ABCA12: variants seen among roughly 807,000 people sequenced by gnomAD.
The protein encoded by ABCA12 is ATP binding cassette subfamily A member 12.
ABCA12 carries 156 observed loss-of-function variants against 293.5 expected under a neutral mutation model. The ratio of observed to expected loss-of-function variants is 0.53; its 90% confidence interval spans 0.47 to 0.61. The LOEUF (loss-of-function observed/expected upper bound fraction) is 0.61. ABCA12 is among the 20% of genes least tolerant of loss of function. The pLI, the probability that ABCA12 is intolerant of heterozygous loss-of-function variation, is 0.00. For synonymous variants in ABCA12, 1,063 were observed against 1,108.0 expected (o/e 0.96, Z 0.81); for missense variants, 2,797 against 3,090.2 (o/e 0.91, Z 2.25).
At chr2:215,001,102 C>G (rs1434742034) in intron 21 of ABCA12, 82 bp from the exon 22 acceptor site, 3 of 1,330,800 alleles carry the variant, frequency 2.3e-6, no homozygotes, top group East Asian at 4.8e-5. Context: ...ACAGAGGGGA[C>G]AGCCAAACAG....
intron 39 of ABCA12, chr2:214,962,530 G>C (rs905172877): frequency 3.9e-5 from 6 of 152,128 alleles, no homozygotes; most frequent in Non-Finnish European, 8.8e-5. Flanking sequence ...AATTAACAAA[G>C]ATATTCAGGA....
At chr2:215,016,613 A>AAAAAAAAAAAAAAAAAC (rs1700512044) in intron 14 of ABCA12, among the ~76,000 whole-genome samples, 1 of 140,438 alleles carries the variant, frequency 7.1e-6, no homozygotes. Flanking sequence ...AAAAAAAAAA[A>AAAAAAAAAAAAAAAAAC]AGACTTTGCT....
intron 49 of ABCA12, among the ~76,000 whole-genome samples, chr2:214,944,765 C>G (rs1698525206): frequency 6.6e-6 from 1 of 152,054 alleles, no homozygotes; most frequent in South Asian, 2.1e-4. Flanking sequence ...ACCATGAAAC[C>G]TGCCTGACTT....
intron 51 of ABCA12, among the ~76,000 whole-genome samples, chr2:214,935,243 C>T (rs1027037389): frequency 9.9e-5 from 15 of 152,046 alleles, no homozygotes; most frequent in African/African-American, 3.4e-4. Context: ...TAGAAACCAC[C>T]ACAAATTTGT....
chr2:215,069,082 T>A (rs1701687180), intron 2 of ABCA12, among the ~76,000 whole-genome samples: 2 of 152,248 alleles, frequency 1.3e-5, no homozygotes, highest in East Asian at 3.9e-4. Context: ...CTCAAAACAG[T>A]TCAGAAGACA....
At chr2:214,969,284 G>A (rs1459838009) in intron 37 of ABCA12, among the ~76,000 whole-genome samples, 1 of 151,932 alleles carries the variant, frequency 6.6e-6, no homozygotes, top group Non-Finnish European at 1.5e-5. Flanking sequence ...ATATTTGAGG[G>A]CAAGTTGGGT....
At chr2:215,053,320 A>G in intron 4 of ABCA12, among the ~76,000 whole-genome samples, 1 of 152,106 alleles carries the variant, frequency 6.6e-6, no homozygotes, top group Non-Finnish European at 1.5e-5. Flanking sequence ...CCTCAGAGCA[A>G]AGAATCTTAA....
Position 214,978,918 on chromosome 2 carries a change from A to G in ABCA12, c.4863T>C (p.Pro1621=), listed in dbSNP as rs1189894728. The G allele has an allele frequency of 2.5e-6, 4 of 1,614,042 alleles. No individual in the cohort carries two copies. Among genetic ancestry groups the G allele is most frequent in the Non-Finnish European group, 2.5e-6 (3 of 1,179,978 alleles). The part of the protein sequence containing the change: ...DIGGELVYVL[P]PFSTKVSGAY... The stretch of plus-strand genomic sequence containing the variant: ...CCCCTGAGACTTTGGTGCTGAATGG[A>G]GGAAGTACATAAACAAGCTCTCCCC... Residue 1621 remains proline, a synonymous_variant, in exon 32 of 53, where the codon CCT becomes CCC. Transcript: ENST00000272895.
intron 36 of ABCA12, 98 bp from the exon 37 acceptor site, chr2:214,970,498 C>T (rs1228475900): frequency 2.2e-6 from 3 of 1,368,914 alleles, no homozygotes; most frequent in Non-Finnish European, 1.0e-6. Flanking sequence ...TTGTCTATTA[C>T]TGCAACTGGT....
chr2:215,095,128 G>C (rs992693731), intron 2 of ABCA12, among the ~76,000 whole-genome samples: 1 of 152,054 alleles, frequency 6.6e-6, no homozygotes, highest in African/African-American at 2.4e-5. Context: ...GACAGGAATA[G>C]GCCTTGACTT....
intron 30 of ABCA12, among the ~76,000 whole-genome samples, chr2:214,981,959 TATTATTATTATTATTA>T (rs1365971211): frequency 3.0e-5 from 4 of 135,042 alleles, no homozygotes; most frequent in Non-Finnish European, 4.7e-5. Flanking sequence ...TTATTATTAT[TATTATTATTATTATTA>T]TTATTATTAT....
In ABCA12 at chr2:214,975,958, CCT is replaced by C; in HGVS notation, c.5206_5207del (p.Arg1736ValfsTer59). On this transcript the variant is annotated frameshift_variant, in exon 34 of 53. Coordinates refer to ENST00000272895, the MANE Select transcript of ABCA12 (RefSeq NM_173076.3). LOFTEE classifies it high-confidence loss of function. ...TCCAGTTCCTGCGGGTGTGGTGGAA[CCT>C]CTTGATGAGTATAGCCATGATCTTC... ...LKKIMAILIK[R>X]FHHTRRNWKG... 1 of 1,614,064 alleles carries C rather than the reference CCT, an allele frequency of 6.2e-7. No individual in the cohort carries two copies. The highest frequency in any genetic ancestry group is 8.5e-7 in the Non-Finnish European group (1 of 1,179,984).
At chr2:215,043,121 AGAT>A (rs1172093597) in intron 7 of ABCA12, among the ~76,000 whole-genome samples, 1 of 152,168 alleles carries the variant, frequency 6.6e-6, no homozygotes, top group Non-Finnish European at 1.5e-5. Context: ...AACTGCAGTT[AGAT>A]GATATCTCAT....
chr2:214,964,375 C>G (rs896041533), intron 39 of ABCA12, among the ~76,000 whole-genome samples: 2 of 152,078 alleles, frequency 1.3e-5, no homozygotes, highest in African/African-American at 4.8e-5. Context: ...AAGTTTTCGC[C>G]AGAGCAATCA....
chr2:215,105,829 T>G (rs1026325587), intron 2 of ABCA12, among the ~76,000 whole-genome samples: 4 of 152,122 alleles, frequency 2.6e-5, no homozygotes, highest in African/African-American at 9.7e-5. Flanking sequence ...CCTGAAAGAC[T>G]AACTAGTGTT....
intron 2 of ABCA12, among the ~76,000 whole-genome samples, chr2:215,074,435 G>A (rs1253342653): frequency 6.6e-6 from 1 of 152,112 alleles, no homozygotes; most frequent in Admixed American, 6.6e-5. Context: ...AGGATTTTAG[G>A]AGGCTTATTA....
At chr2:215,066,770 A>G (rs1036965959) in intron 2 of ABCA12, among the ~76,000 whole-genome samples, 4 of 152,166 alleles carry the variant, frequency 2.6e-5, no homozygotes, top group Admixed American at 6.6e-5. Context: ...TTCAGCTAAC[A>G]GAGTGCCATG....
At position 214,949,848 on chromosome 2, in the gene ABCA12, G is replaced by A. The variant is rs547605713; in HGVS notation, c.6853-699C>T. Among the ~76,000 whole-genome samples, 118 of 152,274 alleles carry A rather than the reference G, an allele frequency of 7.7e-4. No homozygotes were observed. The Middle Eastern group carries it at 0.014, about 18-fold the overall frequency. On this transcript the variant is annotated intron_variant, in intron 45 of 52. Coordinates refer to ENST00000272895, the MANE Select transcript of ABCA12 (RefSeq NM_173076.3). ...AGTAAGTGGACAGTAGTTTAGGAAG[G>A]GGCTCAGAACTTGCTGTGTGGTAGG...
At chr2:214,960,451 T>A (rs190474739) in intron 39 of ABCA12, 10 of 152,234 alleles carry the variant, frequency 6.6e-5, no homozygotes, top group Admixed American at 3.9e-4. Context: ...TACTCCACTA[T>A]GCAAAATCCT....
Sources: gnomAD v4.1 joint callset for allele counts (sites outside exome capture counted in the v4.1 genomes callset) on GRCh38, gnomAD v4.1.1 for gene constraint, MANE v1.5 for transcripts, NCBI Gene and HGNC (gene_info 2026-07-23, HGNC 2026-07-21) for gene names.